GRIA1: variants seen among roughly 807,000 people sequenced by gnomAD.
GRIA1 encodes glutamate ionotropic receptor AMPA type subunit 1, also known as glutamate receptor 1.
A neutral mutation model predicts 99.2 loss-of-function variants in GRIA1; 31 were observed. That is an observed-to-expected ratio of 0.31 (90% CI 0.23 to 0.42). The LOEUF (loss-of-function observed/expected upper bound fraction) is 0.42. GRIA1 is among the 10% of genes least tolerant of loss of function. GRIA1 has a pLI of 1.00. For synonymous variants in GRIA1, 438 were observed against 432.4 expected, an observed-to-expected ratio of 1.01 and a Z score of -0.16; for missense variants, 782 against 1,157.5, an observed-to-expected ratio of 0.68 and a Z score of 4.71.
chr5:153,608,867 A>G (rs1162803055), intron 2 of GRIA1, among the ~76,000 whole-genome samples: 2 of 152,194 alleles, frequency 1.3e-5, no homozygotes, highest in East Asian at 3.9e-4. Flanking sequence ...GCCTAAGCTG[A>G]TGTTATCTTT....
intron 7 of GRIA1, among the ~76,000 whole-genome samples, chr5:153,685,487 T>G (rs1757276776): frequency 6.6e-6 from 1 of 152,244 alleles, no homozygotes; most frequent in African/African-American, 2.4e-5. Context: ...CTGAGATTTC[T>G]TTAACACCTT....
intron 2 of GRIA1, among the ~76,000 whole-genome samples, chr5:153,495,391 T>G (rs1172927230): frequency 2.0e-5 from 3 of 152,176 alleles, no homozygotes; most frequent in Non-Finnish European, 4.4e-5. Flanking sequence ...ATTATATAAC[T>G]TGCCCAAGGT....
intron 11 of GRIA1, among the ~76,000 whole-genome samples, chr5:153,759,215 T>G (rs1358415783): frequency 6.9e-6 from 1 of 144,454 alleles, no homozygotes; most frequent in Non-Finnish European, 1.5e-5. Context: ...AGGAAATAAA[T>G]CATAAAGACC....
chr5:153,504,884 A>G (rs1168745502), intron 2 of GRIA1, among the ~76,000 whole-genome samples: 2 of 152,106 alleles, frequency 1.3e-5, no homozygotes, highest in Non-Finnish European at 2.9e-5. Flanking sequence ...CTACTCAAAC[A>G]CTCAAGCTAT....
intron 2 of GRIA1, among the ~76,000 whole-genome samples, chr5:153,536,073 G>C (rs1291922671): frequency 6.6e-6 from 1 of 152,156 alleles, no homozygotes; most frequent in African/African-American, 2.4e-5. Context: ...CCTCCGTAGT[G>C]TGATATTGAA....
chr5:153,517,051 C>T (rs1036828463), intron 2 of GRIA1, among the ~76,000 whole-genome samples: 1 of 152,028 alleles, frequency 6.6e-6, no homozygotes, highest in African/African-American at 2.4e-5. Flanking sequence ...GGAGAGCAGG[C>T]CCTGCAATCA....
At chr5:153,791,213 T>C (rs952994206) in intron 13 of GRIA1, among the ~76,000 whole-genome samples, 3 of 151,548 alleles carry the variant, frequency 2.0e-5, no homozygotes, top group African/African-American at 7.3e-5. Flanking sequence ...GGCAGGAGGA[T>C]TGCTTGAGGC....
chr5:153,742,331 G>T (rs932682479), intron 11 of GRIA1, among the ~76,000 whole-genome samples: 1 of 152,142 alleles, frequency 6.6e-6, no homozygotes, highest in Admixed American at 6.5e-5. Flanking sequence ...AGTAGCATAG[G>T]TTACCACTCA....
chr5:153,609,213 A>G (rs1765739425), intron 2 of GRIA1, among the ~76,000 whole-genome samples: 1 of 152,184 alleles, frequency 6.6e-6, no homozygotes, highest in African/African-American at 2.4e-5. Context: ...TCCAAACACA[A>G]AGGTTACCTC....
chr5:153,649,232 G>C (rs954877574), intron 3 of GRIA1, among the ~76,000 whole-genome samples: 1 of 152,182 alleles, frequency 6.6e-6, no homozygotes, highest in Admixed American at 6.5e-5. Context: ...CCTATCTCAT[G>C]CATCTTACCT....
At chr5:153,698,285 A>G (rs1758261159) in intron 9 of GRIA1, 131 bp downstream of exon 9, 1 of 524,208 alleles carries the variant, frequency 1.9e-6, no homozygotes, top group South Asian at 3.0e-5. Context: ...GCAAGTCGAA[A>G]AGGGAATGCC....
intron 15 of GRIA1, among the ~76,000 whole-genome samples, chr5:153,806,583 C>T (rs1046664168): frequency 1.3e-5 from 2 of 152,146 alleles, no homozygotes; most frequent in Non-Finnish European, 2.9e-5. Flanking sequence ...CTCTTAAGGC[C>T]TTAACCCCCT....
chr5:153,805,523 C>T (rs1012111481), intron 15 of GRIA1, among the ~76,000 whole-genome samples: 1 of 152,090 alleles, frequency 6.6e-6, no homozygotes, highest in African/African-American at 2.4e-5. Context: ...AGTTTTGGCC[C>T]CATGTTTGTG....
At chr5:153,561,360 T>G (rs1485676845) in intron 2 of GRIA1, among the ~76,000 whole-genome samples, 2 of 152,036 alleles carry the variant, frequency 1.3e-5, no homozygotes, top group Non-Finnish European at 2.9e-5. Flanking sequence ...AGACTTGGAG[T>G]GGGGGTTGAG....
chr5:153,531,012 T>G (rs772488928), intron 2 of GRIA1, among the ~76,000 whole-genome samples: 1 of 152,076 alleles, frequency 6.6e-6, no homozygotes, highest in Non-Finnish European at 1.5e-5. Context: ...AAAATAAGAC[T>G]GGGTGATGTG....
At chr5:153,734,093 A>G (rs924000999) in intron 11 of GRIA1, among the ~76,000 whole-genome samples, 4 of 152,200 alleles carry the variant, frequency 2.6e-5, no homozygotes, top group African/African-American at 7.2e-5. Flanking sequence ...TCTCTAGGAT[A>G]TGATGCCTAT....
At chr5:153,790,560 A>G (rs1765235468) in intron 13 of GRIA1, among the ~76,000 whole-genome samples, 1 of 152,156 alleles carries the variant, frequency 6.6e-6, no homozygotes, top group South Asian at 2.1e-4. Flanking sequence ...TGCCCAAGAC[A>G]AAGTTCTCAC....
intron 2 of GRIA1, among the ~76,000 whole-genome samples, chr5:153,583,701 C>T (rs1056058632): frequency 3.9e-5 from 6 of 152,026 alleles, no homozygotes; most frequent in Non-Finnish European, 5.9e-5. Flanking sequence ...AGGAGATACC[C>T]AAAACATGAC....
At chr5:153,776,584 C>G (rs965343353) in intron 13 of GRIA1, among the ~76,000 whole-genome samples, 1 of 152,168 alleles carries the variant, frequency 6.6e-6, no homozygotes. Context: ...TGGCCTTTAT[C>G]AATTTTTTCA....
Sources: gnomAD v4.1 joint callset for allele counts (sites outside exome capture counted in the v4.1 genomes callset) on GRCh38, gnomAD v4.1.1 for gene constraint, MANE v1.5 for transcripts, NCBI Gene and HGNC (gene_info 2026-07-23, HGNC 2026-07-21) for gene names.